Variants in ENAH observed in about 807,000 individuals in gnomAD.
The protein encoded by ENAH is ENAH actin regulator.
Under a neutral mutation model 78.7 loss-of-function variants are expected in ENAH, and 23 were observed. That is an observed-to-expected ratio of 0.29 (90% CI 0.21 to 0.41). The LOEUF is 0.41. Among genes scored for constraint, ENAH ranks in the 10% least tolerant of loss-of-function variants. The probability of loss-of-function intolerance (pLI) is 1.00; values close to 1 mark genes in which losing one functional copy is unlikely to be tolerated. For synonymous variants in ENAH, 226 were observed against 241.0 expected, an observed-to-expected ratio of 0.94 and a Z score of 0.58; for missense variants, 544 against 691.0, an observed-to-expected ratio of 0.79 and a Z score of 2.39.
At chr1:225,625,833 A>G (rs984753648) in intron 1 of ENAH, among the ~76,000 whole-genome samples, 5 of 152,192 alleles carry the variant, frequency 3.3e-5, no homozygotes, top group Non-Finnish European at 7.3e-5. Flanking sequence ...TTTTTTAAAT[A>G]TAACTTAATT....
In ENAH at chr1:225,492,119, C is replaced by CT. The variant is rs2096225082; in HGVS notation, c.*5655dup. The CT allele has an allele frequency of 3.4e-5, 5 of 145,482 alleles. No homozygotes were observed. The East Asian group carries it at 9.9e-4, about 29-fold the overall frequency. The allele number at this position is 145,482 out of a possible 1,614,324, so 9.0% of individuals were successfully genotyped here. On this transcript the variant is annotated 3_prime_UTR_variant, in exon 14 of 14. Transcript: ENST00000366843. ...TTTTTTTTAGAGACAGGTTCTCGCTCTGTCACCCAGGCTGGAGTACAGTGG... is the reference window on the plus strand; with the variant it reads ...TTTTTTTTAGAGACAGGTTCTCGCTCTTGTCACCCAGGCTGGAGTACAGTGG...
At chr1:225,552,416 G>A (rs2151409622) in intron 3 of ENAH, among the ~76,000 whole-genome samples, 2 of 152,232 alleles carry the variant, frequency 1.3e-5, no homozygotes, top group Middle Eastern at 3.4e-3. Flanking sequence ...GGGATTACAG[G>A]CGTGAGCCAC....
intron 1 of ENAH, among the ~76,000 whole-genome samples, chr1:225,602,771 G>A (rs1029887330): frequency 6.6e-6 from 1 of 152,022 alleles, no homozygotes; most frequent in African/African-American, 2.4e-5. Flanking sequence ...AAAAGAAAGA[G>A]AGAAAACTGT....
At position 225,652,764 on chromosome 1, in the gene ENAH, C is replaced by T; in HGVS notation, c.-74G>A. The T allele has an allele frequency of 2.4e-6, 3 of 1,250,882 alleles. No homozygotes were observed. Among genetic ancestry groups the T allele is most frequent in the Non-Finnish European group, 3.0e-6 (3 of 986,302 alleles). 77.5% of individuals were successfully genotyped at this position (1,250,882 alleles called of 1,614,324 possible). A position where few individuals can be genotyped will look rare whatever the true frequency, so the allele number is the denominator to read the frequency against. Reference sequence around the variant, plus strand: ...CGCCGAGCCGAGGGGGGGGTCTCTCCTCCAGGGGTGGGGAGCAGCTCGGAG... The same window carrying T: ...CGCCGAGCCGAGGGGGGGGTCTCTCTTCCAGGGGTGGGGAGCAGCTCGGAG... On this transcript the variant is annotated 5_prime_UTR_variant, in exon 1 of 14. Coordinates refer to ENST00000366843, the MANE Select transcript of ENAH (RefSeq NM_018212.6).
At chr1:225,600,784 A>G (rs1281078147) in intron 1 of ENAH, among the ~76,000 whole-genome samples, 1 of 152,156 alleles carries the variant, frequency 6.6e-6, no homozygotes, top group Non-Finnish European at 1.5e-5. Flanking sequence ...TTTGGGCTCA[A>G]AACTGCAGTA....
intron 3 of ENAH, among the ~76,000 whole-genome samples, chr1:225,539,444 T>C (rs867006801): frequency 2.0e-5 from 3 of 152,212 alleles, no homozygotes; most frequent in South Asian, 2.1e-4. Flanking sequence ...TAAACACACA[T>C]GTATGAGGGG....
At chr1:225,552,574 T>C (rs1476391341) in intron 3 of ENAH, among the ~76,000 whole-genome samples, 1 of 152,228 alleles carries the variant, frequency 6.6e-6, no homozygotes, top group Non-Finnish European at 1.5e-5. Context: ...ATTTAGAACT[T>C]AGCCATTCTA....
At chr1:225,587,990 C>T (rs1384197060) in intron 1 of ENAH, among the ~76,000 whole-genome samples, 8 of 152,012 alleles carry the variant, frequency 5.3e-5, no homozygotes, top group Admixed American at 2.0e-4. Flanking sequence ...CAAGATATAT[C>T]GATTTAAACC....
At chr1:225,542,206 C>A (rs1343809015) in intron 3 of ENAH, among the ~76,000 whole-genome samples, 1 of 152,152 alleles carries the variant, frequency 6.6e-6, no homozygotes, top group Admixed American at 6.5e-5. Flanking sequence ...AACAAGAGAA[C>A]TGGACATAAA....
Position 225,514,813 on chromosome 1 carries a change from G to A in ENAH, c.1001C>T (p.Pro334Leu), listed in dbSNP as rs770767653. 30 of 1,559,452 alleles carry A rather than the reference G, an allele frequency of 1.9e-5. No homozygotes were observed. Among genetic ancestry groups the A allele is most frequent in the Middle Eastern group, 4.1e-4 (2 of 4,914 alleles). ...AQASVALPPP[P>L]GPPPPPPLPS... ...GAGTGGAGGAGGTGGAGGGGGCCCT[G>A]GGGGAGGAGGGAGGGCTACTGAAGC... Residue 334 changes from proline (P) to leucine (L), a missense_variant, in exon 7 of 14, where the codon CCA becomes CTA. This residue lies in a region of ENAH where 366 missense variants were observed against 396.1 expected (regional missense o/e 0.92). Coordinates refer to ENST00000366843, the MANE Select transcript of ENAH (RefSeq NM_018212.6).
At chr1:225,641,113 T>C (rs1273912861) in intron 1 of ENAH, among the ~76,000 whole-genome samples, 1 of 151,938 alleles carries the variant, frequency 6.6e-6, no homozygotes, top group Non-Finnish European at 1.5e-5. Flanking sequence ...TCCACCCGCC[T>C]CAGCCTCCCA....
intron 4 of ENAH, among the ~76,000 whole-genome samples, chr1:225,521,169 G>A (rs941846903): frequency 3.3e-5 from 5 of 152,108 alleles, no homozygotes; most frequent in African/African-American, 7.2e-5. Flanking sequence ...GTCTCCTACA[G>A]TAGGATATTA....
Position 225,504,962 on chromosome 1 carries a change from C to A in ENAH, c.1538+2989G>T, listed in dbSNP as rs76202535. On this transcript the variant is annotated intron_variant, in intron 11 of 13. Transcript: ENST00000366843. ...TCCTGAACATGTTATTTAAAAGTCT[C>A]AAATCACAACGTCACAGCAGGATGA... is the stretch of plus-strand genomic sequence containing the variant. 7.9e-4 allele frequency: 1,241 copies of A among 1,576,794 alleles called. 16 individuals carry two copies. The East Asian group carries it at 0.024, about 30-fold the overall frequency.
At chr1:225,582,599 C>T (rs1371823697) in intron 1 of ENAH, among the ~76,000 whole-genome samples, 1 of 152,100 alleles carries the variant, frequency 6.6e-6, no homozygotes, top group Non-Finnish European at 1.5e-5. Context: ...AGAGGAAATT[C>T]CTGGGAGGAA....
intron 13 of ENAH, 91 bp from the exon 14 acceptor site, chr1:225,497,903 C>T (rs1211120180): frequency 9.3e-7 from 1 of 1,079,608 alleles, no homozygotes; most frequent in Non-Finnish European, 1.3e-6. Context: ...AAGGATTGTG[C>T]TCAAACTCAC....
In ENAH at chr1:225,648,650, G is replaced by A. The variant is rs543392397; in HGVS notation, c.5+4036C>T. Among the ~76,000 whole-genome samples, 31 of 152,074 alleles carry A rather than the reference G, an allele frequency of 2.0e-4. No homozygotes were observed. The East Asian group carries it at 4.8e-3, about 24-fold the overall frequency. ...GGAAAGTCACACATCCAACAGCTAC[G>A]AGTATAAATGAAGACCCATGGGAAC... On this transcript the variant is annotated intron_variant, in intron 1 of 13. Coordinates refer to ENST00000366843, the MANE Select transcript of ENAH (RefSeq NM_018212.6).
intron 1 of ENAH, among the ~76,000 whole-genome samples, chr1:225,590,693 A>G (rs956459524): frequency 2.6e-5 from 4 of 151,982 alleles, no homozygotes; most frequent in Admixed American, 6.6e-5. Flanking sequence ...CAACATCCCT[A>G]TGTCAGTCTC....
chr1:225,597,351 T>A (rs1265969563), intron 1 of ENAH, among the ~76,000 whole-genome samples: 1 of 152,098 alleles, frequency 6.6e-6, no homozygotes, highest in Non-Finnish European at 1.5e-5. Flanking sequence ...GACTGAGGAA[T>A]TGTTCTATAT....
At chr1:225,613,453 G>A in intron 1 of ENAH, among the ~76,000 whole-genome samples, 1 of 152,116 alleles carries the variant, frequency 6.6e-6, no homozygotes, top group East Asian at 1.9e-4. Flanking sequence ...AAATATTTGT[G>A]AAGATAATAA....
Sources: gnomAD v4.1 joint callset for allele counts (sites outside exome capture counted in the v4.1 genomes callset) on GRCh38, gnomAD v4.1.1 for gene constraint, gnomAD v4.1.1 regional missense constraint, MANE v1.5 for transcripts, NCBI Gene and HGNC (gene_info 2026-07-23, HGNC 2026-07-21) for gene names.